The following SYNPR variants were observed in gnomAD, a reference collection of about 807,000 sequenced individuals.
SYNPR encodes the protein synaptoporin.
SYNPR carries 23 observed loss-of-function variants against 32.9 expected under a neutral mutation model. That is an observed-to-expected ratio of 0.70 (90% CI 0.50 to 0.99). SYNPR has a LOEUF of 0.99. Ranked by LOEUF, SYNPR falls within the 50% of genes least tolerant of loss-of-function variation. The pLI is 0.00. For synonymous variants in SYNPR, 146 were observed against 135.9 expected, an observed-to-expected ratio of 1.07 and a Z score of -0.52; for missense variants, 318 against 349.3, an observed-to-expected ratio of 0.91 and a Z score of 0.71.
intron 2 of SYNPR, among the ~76,000 whole-genome samples, chr3:63,458,730 G>T (rs558497321): frequency 6.6e-5 from 10 of 152,192 alleles, no homozygotes; most frequent in Middle Eastern, 3.4e-3. Context: ...CTAGCACTCA[G>T]TCATCATCTC....
At chr3:63,489,735 G>A (rs553695374) in intron 3 of SYNPR, among the ~76,000 whole-genome samples, 176 of 152,254 alleles carry the variant, frequency 1.2e-3, no homozygotes, top group Non-Finnish European at 2.0e-3. Flanking sequence ...ATATATGCAT[G>A]TACATATTTT....
rs78372156 is a variant in SYNPR at position 63,238,375 on chromosome 3, T to C, written n.66+9995T>C. 6.0e-3 allele frequency among the ~76,000 whole-genome samples: 912 copies of C among 152,236 alleles called. 9 individuals are homozygous for C. The highest frequency in any genetic ancestry group is 0.052 in the East Asian group (269 of 5,158). ...TTTTTTTTTTCTGTGATTCAGTTTC[T>C]ACCTGCCAGAGAGAAGAGGGTCTGA... On this transcript the variant is annotated intron_variant and non_coding_transcript_variant, in intron 1 of 4. Coordinates refer to the SYNPR transcript ENST00000478456.
At chr3:63,241,241 C>G (rs955971295) in intron 1 of SYNPR, among the ~76,000 whole-genome samples, 1 of 152,062 alleles carries the variant, frequency 6.6e-6, no homozygotes, top group Non-Finnish European at 1.5e-5. Flanking sequence ...GAATGGACCT[C>G]CGTATTCTCC....
intron 4 of SYNPR, among the ~76,000 whole-genome samples, chr3:63,570,100 C>T (rs1702860178): frequency 6.6e-6 from 1 of 152,098 alleles, no homozygotes; most frequent in South Asian, 2.1e-4. Flanking sequence ...AAAACTAAGA[C>T]CAAACTACAT....
intron 2 of SYNPR, among the ~76,000 whole-genome samples, chr3:63,302,281 A>T (rs62251359): frequency 0.11 from 16,405 of 152,090 alleles, 1,129 homozygotes; most frequent in Non-Finnish European, 0.16. Flanking sequence ...GCTTTACAGC[A>T]GGGATCCATT....
the SYNPR span, among the ~76,000 whole-genome samples, chr3:63,207,252 C>A: frequency 6.6e-6 from 1 of 152,146 alleles, no homozygotes; most frequent in African/African-American, 2.4e-5. Context: ...GTGCTGGGAC[C>A]CACGTCAGCT....
chr3:63,363,196 C>G (rs192341062), intron 2 of SYNPR, among the ~76,000 whole-genome samples: 2 of 152,096 alleles, frequency 1.3e-5, no homozygotes, highest in Non-Finnish European at 2.9e-5. Context: ...TTACTTTGCC[C>G]GGCATATGTT....
intron 2 of SYNPR, among the ~76,000 whole-genome samples, chr3:63,459,568 A>T (rs1700544110): frequency 6.6e-6 from 1 of 152,146 alleles, no homozygotes; most frequent in Non-Finnish European, 1.5e-5. Flanking sequence ...TTCATTTTAG[A>T]TTATCCAGGA....
intron 2 of SYNPR, among the ~76,000 whole-genome samples, chr3:63,297,448 T>C (rs988293961): frequency 1.3e-5 from 2 of 152,174 alleles, no homozygotes; most frequent in African/African-American, 4.8e-5. Context: ...CAAAATGACA[T>C]TTGTCAAAAT....
the SYNPR span, among the ~76,000 whole-genome samples, chr3:63,206,429 A>T: frequency 6.6e-6 from 1 of 151,996 alleles, no homozygotes; most frequent in African/African-American, 2.4e-5. Context: ...CCTGTCCAAC[A>T]TGGTGCCTGT....
intron 2 of SYNPR, among the ~76,000 whole-genome samples, chr3:63,258,071 C>A (rs1337334340): frequency 6.6e-6 from 1 of 152,138 alleles, no homozygotes. Context: ...ATCCATAAAG[C>A]AAGTCCTTAG....
intron 2 of SYNPR, among the ~76,000 whole-genome samples, chr3:63,431,154 C>T (rs1488419658): frequency 1.3e-5 from 2 of 152,180 alleles, no homozygotes; most frequent in Non-Finnish European, 2.9e-5. Context: ...GACTTATGAA[C>T]TCACTGGTGC....
intron 3 of SYNPR, among the ~76,000 whole-genome samples, chr3:63,484,983 T>C (rs1218569001): frequency 6.6e-6 from 1 of 152,098 alleles, no homozygotes; most frequent in East Asian, 1.9e-4. Flanking sequence ...AACAGGGAAA[T>C]CTATTTTGAA....
At chr3:63,354,034 C>T (rs1453415244) in intron 2 of SYNPR, among the ~76,000 whole-genome samples, 4 of 152,060 alleles carry the variant, frequency 2.6e-5, no homozygotes, top group Non-Finnish European at 4.4e-5. Flanking sequence ...TATTAAGCTG[C>T]CAGAGAACTT....
upstream of SYNPR, among the ~76,000 whole-genome samples, chr3:63,277,015 C>A (rs768817604): frequency 1.3e-4 from 19 of 151,960 alleles, no homozygotes; most frequent in Non-Finnish European, 2.2e-4. Context: ...TAAATGGAAT[C>A]CAGTCCAAAG....
intron 4 of SYNPR, among the ~76,000 whole-genome samples, chr3:63,587,752 T>C (rs978661607): frequency 2.0e-5 from 3 of 152,068 alleles, no homozygotes; most frequent in African/African-American, 7.2e-5. Context: ...TGAGGTAATT[T>C]AGGTATCCTT....
chr3:63,498,693 G>T (rs1390240501), intron 3 of SYNPR, among the ~76,000 whole-genome samples: 1 of 152,138 alleles, frequency 6.6e-6, no homozygotes, highest in Non-Finnish European at 1.5e-5. Context: ...AGTGTGGCGA[G>T]ACCACAGTGC....
intron 2 of SYNPR, among the ~76,000 whole-genome samples, chr3:63,338,620 C>A (rs2087324437): frequency 6.6e-6 from 1 of 152,114 alleles, no homozygotes; most frequent in Non-Finnish European, 1.5e-5. Flanking sequence ...TGATTATATA[C>A]TATATTGTAT....
At chr3:63,444,102 G>A (rs758362605) in intron 2 of SYNPR, among the ~76,000 whole-genome samples, 6 of 152,142 alleles carry the variant, frequency 3.9e-5, no homozygotes, top group African/African-American at 7.2e-5. Context: ...CTTCTCTTTC[G>A]TCTTTCTTTG....
Sources: allele counts gnomAD v4.1 joint callset (sites outside exome capture counted in the v4.1 genomes callset), GRCh38; gene constraint gnomAD v4.1.1; transcripts MANE v1.5; gene names NCBI Gene and HGNC (gene_info 2026-07-23, HGNC 2026-07-21).